The following RAP1GAP2 variants were observed in gnomAD, a reference collection of about 807,000 sequenced individuals.
The protein encoded by RAP1GAP2 is RAP1 GTPase activating protein 2, also known as rap1 GTPase-activating protein 2.
Under a neutral mutation model 95.0 loss-of-function variants are expected in RAP1GAP2, and 27 were observed. The observed-to-expected ratio is 0.28, with a 90% CI of 0.21 to 0.39. The LOEUF (loss-of-function observed/expected upper bound fraction) is 0.39, where lower values mean the gene tolerates loss of function less well. Ranked by LOEUF, RAP1GAP2 falls within the 10% of genes least tolerant of loss-of-function variation. The pLI, the probability that RAP1GAP2 is intolerant of heterozygous loss-of-function variation, is 1.00. For synonymous variants in RAP1GAP2, 373 were observed against 380.9 expected, an observed-to-expected ratio of 0.98 and a Z score of 0.24; for missense variants, 771 against 970.0, an observed-to-expected ratio of 0.79 and a Z score of 2.72.
chr17:2,891,961 C>T (rs985994579), intron 2 of RAP1GAP2, among the ~76,000 whole-genome samples: 2 of 151,166 alleles, frequency 1.3e-5, no homozygotes, highest in African/African-American at 4.9e-5. Context: ...GTAGCTGGGA[C>T]TACAGTCATG....
chr17:2,981,993 C>T (rs147076003), intron 10 of RAP1GAP2, among the ~76,000 whole-genome samples: 5 of 152,312 alleles, frequency 3.3e-5, no homozygotes, highest in Admixed American at 6.5e-5. Context: ...GAGCTTCTGC[C>T]GTGGGTCACG....
At chr17:2,830,441 T>A (rs1048624740) in intron 2 of RAP1GAP2, among the ~76,000 whole-genome samples, 1 of 140,622 alleles carries the variant, frequency 7.1e-6, no homozygotes, top group Non-Finnish European at 1.5e-5. Flanking sequence ...GATGGCCGGG[T>A]GTGGTGGCTC....
chr17:3,012,478 C>T (rs9902489), intron 17 of RAP1GAP2, among the ~76,000 whole-genome samples: 84,982 of 151,196 alleles, frequency 0.56, 24,086 homozygotes, highest in South Asian at 0.63. Flanking sequence ...ATCAGATGGG[C>T]GTGGTGGTGC....
chr17:2,897,921 CTTTTT>C (rs139128312), intron 2 of RAP1GAP2, among the ~76,000 whole-genome samples: 14 of 135,184 alleles, frequency 1.0e-4, no homozygotes, highest in Admixed American at 1.5e-4. Flanking sequence ...TCTGCGGAGT[CTTTTT>C]TTTTTTTTTT....
chr17:2,979,730 G>A (rs946483173), intron 8 of RAP1GAP2, among the ~76,000 whole-genome samples: 5 of 151,872 alleles, frequency 3.3e-5, no homozygotes, highest in African/African-American at 4.8e-5. Context: ...TTCCCAAAGT[G>A]CTGGGATTAC....
chr17:2,897,784 G>T (rs2041888277), intron 2 of RAP1GAP2, among the ~76,000 whole-genome samples: 1 of 152,132 alleles, frequency 6.6e-6, no homozygotes, highest in Admixed American at 6.6e-5. Context: ...CGGCTCTCCA[G>T]CCTCCACGTG....
At chr17:2,763,291 G>A (rs903841728) in intron 1 of RAP1GAP2, among the ~76,000 whole-genome samples, 18 of 152,276 alleles carry the variant, frequency 1.2e-4, no homozygotes, top group African/African-American at 3.8e-4. Context: ...GCTGTGTAAG[G>A]ATGTTGTGGG....
At chr17:2,923,734 T>A (rs2042867771) in intron 3 of RAP1GAP2, among the ~76,000 whole-genome samples, 1 of 152,000 alleles carries the variant, frequency 6.6e-6, no homozygotes, top group Non-Finnish European at 1.5e-5. Context: ...GATATATGCA[T>A]ATTATAAAGT....
At chr17:2,834,794 C>T (rs2071057539) in intron 2 of RAP1GAP2, among the ~76,000 whole-genome samples, 1 of 151,778 alleles carries the variant, frequency 6.6e-6, no homozygotes, top group South Asian at 2.1e-4. Context: ...GAGACCCTGT[C>T]TCAAAAAAAA....
chr17:3,021,695 A>G (rs2046967786), intron 19 of RAP1GAP2, among the ~76,000 whole-genome samples: 1 of 152,150 alleles, frequency 6.6e-6, no homozygotes, highest in Admixed American at 6.5e-5. Flanking sequence ...TTGGCCTCCC[A>G]AAGTGTTGGG....
intron 2 of RAP1GAP2, among the ~76,000 whole-genome samples, chr17:2,820,903 T>TTTTTTTGTTTTTTG (rs1567678191): frequency 0.018 from 2,676 of 145,896 alleles, 121 homozygotes; most frequent in African/African-American, 0.065. Flanking sequence ...TTTTTTTTTT[T>TTTTTTTGTTTTTTG]TTTTTTGTAT....
At chr17:2,864,712 A>G (rs2151626968) in intron 2 of RAP1GAP2, among the ~76,000 whole-genome samples, 1 of 152,268 alleles carries the variant, frequency 6.6e-6, no homozygotes, top group Admixed American at 6.5e-5. Context: ...TGGCAGATCC[A>G]TTGCGATGAG....
intron 1 of RAP1GAP2, among the ~76,000 whole-genome samples, chr17:2,783,271 C>T (rs1423780449): frequency 6.6e-6 from 1 of 152,196 alleles, no homozygotes; most frequent in East Asian, 1.9e-4. Flanking sequence ...ACTCCCTAGC[C>T]ATCTGGTCCC....
intron 3 of RAP1GAP2, 122 bp from the exon 4 acceptor site, chr17:2,957,637 A>G: frequency 1.8e-6 from 2 of 1,131,640 alleles, no homozygotes; most frequent in South Asian, 1.5e-5. Flanking sequence ...TGTTGATCCA[A>G]ATGAATTTTG....
intron 2 of RAP1GAP2, among the ~76,000 whole-genome samples, chr17:2,897,371 G>A (rs2041867646): frequency 6.6e-6 from 1 of 151,784 alleles, no homozygotes; most frequent in Admixed American, 6.6e-5. Context: ...AAAAATGGGT[G>A]TCCAGAAGCC....
At chr17:2,811,940 C>G (rs2069786084) in intron 2 of RAP1GAP2, among the ~76,000 whole-genome samples, 1 of 152,124 alleles carries the variant, frequency 6.6e-6, no homozygotes, top group Non-Finnish European at 1.5e-5. Context: ...GTCTCGAACT[C>G]CCAACCTCAG....
At chr17:2,833,383 C>T (rs896185380) in intron 2 of RAP1GAP2, among the ~76,000 whole-genome samples, 2 of 151,842 alleles carry the variant, frequency 1.3e-5, no homozygotes, top group African/African-American at 4.8e-5. Flanking sequence ...GTGATCCACC[C>T]GCCTCAGCCT....
At chr17:2,893,726 C>T (rs2073795752) in intron 2 of RAP1GAP2, among the ~76,000 whole-genome samples, 1 of 152,192 alleles carries the variant, frequency 6.6e-6, no homozygotes, top group Admixed American at 6.5e-5. Context: ...CCATGGAGGC[C>T]AGGCAGTGCC....
At chr17:2,816,376 C>T (rs574749816) in intron 2 of RAP1GAP2, among the ~76,000 whole-genome samples, 99 of 152,052 alleles carry the variant, frequency 6.5e-4, no homozygotes, top group African/African-American at 2.2e-3. Context: ...CTCACTCTGT[C>T]GCCCAGGCTG....
Sources: gnomAD v4.1 joint callset for allele counts (sites outside exome capture counted in the v4.1 genomes callset) on GRCh38, gnomAD v4.1.1 for gene constraint, MANE v1.5 for transcripts, NCBI Gene and HGNC (gene_info 2026-07-23, HGNC 2026-07-21) for gene names.